TLN2: variants seen among roughly 807,000 people sequenced by gnomAD.
TLN2 encodes the protein talin 2, also known as talin-2.
A neutral mutation model predicts 294.7 loss-of-function variants in TLN2; 118 were observed. That is an observed-to-expected ratio of 0.40 (90% confidence interval 0.34 to 0.47). The LOEUF is 0.47. Among genes scored for constraint, TLN2 ranks in the 20% least tolerant of loss-of-function variants. The probability of loss-of-function intolerance (pLI) is 0.84; values close to 1 mark genes in which losing one functional copy is unlikely to be tolerated. For synonymous variants in TLN2, 1,431 were observed against 1,304.5 expected, an observed-to-expected ratio of 1.10 and a Z score of -2.09; for missense variants, 3,083 against 3,282.2, an observed-to-expected ratio of 0.94 and a Z score of 1.48.
At chr15:62,752,741 T>C (rs2062006431) in intron 35 of TLN2, among the ~76,000 whole-genome samples, 1 of 152,154 alleles carries the variant, frequency 6.6e-6, no homozygotes, top group African/African-American at 2.4e-5. Context: ...AAATAAGCAC[T>C]AAATAATTTA....
At chr15:62,529,314 G>A (rs369864623) in intron 1 of TLN2, among the ~76,000 whole-genome samples, 17 of 152,158 alleles carry the variant, frequency 1.1e-4, no homozygotes, top group Middle Eastern at 3.4e-3. Context: ...GGCTGGTCTC[G>A]AACTCCTGGA....
At chr15:62,489,204 T>A (rs1481903596) in intron 1 of TLN2, among the ~76,000 whole-genome samples, 1 of 152,118 alleles carries the variant, frequency 6.6e-6, no homozygotes, top group African/African-American at 2.4e-5. Flanking sequence ...CACAACTCCA[T>A]GAATGACATG....
chr15:62,784,670 C>T (rs2064489036), intron 45 of TLN2: 1 of 152,216 alleles, frequency 6.6e-6, no homozygotes, highest in Non-Finnish European at 1.5e-5. Flanking sequence ...TTGGGGGAAC[C>T]ACATGGCTTC....
chr15:62,501,729 T>G lies in TLN2; in HGVS notation c.-237-87958T>G, dbSNP rs567319119. Among the ~76,000 whole-genome samples the G allele has an allele frequency of 2.0e-5, 3 of 152,360 alleles. No individual in the cohort carries two copies. The South Asian group carries it at 6.2e-4, about 32-fold the overall frequency. ...TTTTGTTTAATTGGACATAGTTATA[T>G]CAACAGGATTTGAAGGTGGCAGATG... On this transcript the variant is annotated intron_variant, in intron 1 of 58. Transcript: ENST00000636159.
intron 1 of TLN2, among the ~76,000 whole-genome samples, chr15:62,487,219 TG>T (rs2140398570): frequency 6.6e-6 from 1 of 152,342 alleles, no homozygotes; most frequent in South Asian, 2.1e-4. Flanking sequence ...GTTGACTTAC[TG>T]GGTTGATTCC....
At chr15:62,774,878 G>C (rs1028858152) in intron 42 of TLN2, among the ~76,000 whole-genome samples, 2 of 151,340 alleles carry the variant, frequency 1.3e-5, no homozygotes, top group Admixed American at 1.3e-4. Context: ...TGAGAGTACA[G>C]ATCCTTGGCA....
At chr15:62,726,720 T>G (rs1041201048) in intron 27 of TLN2, among the ~76,000 whole-genome samples, 8 of 152,200 alleles carry the variant, frequency 5.3e-5, no homozygotes, top group Non-Finnish European at 8.8e-5. Context: ...CTTTCTAAAT[T>G]AGCTTCTAAA....
chr15:62,438,009 T>A (rs892235477), intron 1 of TLN2, among the ~76,000 whole-genome samples: 1 of 152,160 alleles, frequency 6.6e-6, no homozygotes, highest in African/African-American at 2.4e-5. Flanking sequence ...TGGCAGCAGA[T>A]GCACCCTGGT....
chr15:62,498,269 C>A (rs1163250433), intron 1 of TLN2, among the ~76,000 whole-genome samples: 5 of 151,502 alleles, frequency 3.3e-5, no homozygotes, highest in Admixed American at 6.6e-5. Flanking sequence ...TCTTACTTAA[C>A]CTGAATTTGC....
rs2058755073 is a variant in TLN2, at chr15:62,702,144, A to G, written c.1849A>G (p.Thr617Ala). The G allele has an allele frequency of 6.2e-7, 1 of 1,613,374 alleles. No homozygotes were observed. Among genetic ancestry groups the G allele is most frequent in the Non-Finnish European group, 8.5e-7 (1 of 1,179,782 alleles). ...GGAGGACTTGCTCAGAGCTGCCAGG[A>G]CCCTCGCTGGGGCGGTGTCAGACTT... Reference protein sequence around the residue: ...SGEDLLRAARTLAGAVSDLLK... With the variant: ...SGEDLLRAARALAGAVSDLLK... Residue 617 changes from threonine (T) to alanine (A), a missense_variant, in exon 18 of 59, where the codon ACC becomes GCC. Physicochemically the swap from Thr to Ala is moderately conservative, Grantham distance 58. Transcript: ENST00000636159.
At chr15:62,685,004 T>C (rs2057161360) in intron 11 of TLN2, among the ~76,000 whole-genome samples, 1 of 151,544 alleles carries the variant, frequency 6.6e-6, no homozygotes, top group Non-Finnish European at 1.5e-5. Flanking sequence ...TTAGGTGTTG[T>C]TGCTAGGTTT....
At chr15:62,720,968 C>G (rs2060110922) in intron 25 of TLN2, among the ~76,000 whole-genome samples, 1 of 152,100 alleles carries the variant, frequency 6.6e-6, no homozygotes, top group African/African-American at 2.4e-5. Context: ...AGGCATTTCT[C>G]TCTTCATTTG....
At chr15:62,565,642 T>C (rs529727653) in intron 1 of TLN2, among the ~76,000 whole-genome samples, 1 of 152,362 alleles carries the variant, frequency 6.6e-6, no homozygotes, top group Non-Finnish European at 1.5e-5. Flanking sequence ...GCTTTAAACT[T>C]CCAGTTGTGA....
In TLN2 at chr15:62,694,406, A is replaced by T. The variant is rs535731711; in HGVS notation, c.1292+14A>T. ...TTCCCCAAAAAAGTAAGTATTATGAAGAGTACTAGAGGACCACCTTCTCCC... is the reference window on the plus strand; with the variant it reads ...TTCCCCAAAAAAGTAAGTATTATGATGAGTACTAGAGGACCACCTTCTCCC... On this transcript the variant is annotated intron_variant, in intron 14 of 58. Coordinates refer to ENST00000636159, the MANE Select transcript of TLN2 (RefSeq NM_015059.3). 1.5e-5 allele frequency: 24 copies of T among 1,611,424 alleles called. 1 individual carries two copies. The highest frequency in any genetic ancestry group is 1.9e-5 in the Non-Finnish European group (22 of 1,177,718).
chr15:62,609,068 GT>G (rs1555445285), intron 2 of TLN2, among the ~76,000 whole-genome samples: 1 of 152,040 alleles, frequency 6.6e-6, no homozygotes, highest in Non-Finnish European at 1.5e-5. Context: ...GTGGGGTTAC[GT>G]TAGGGATAGA....
At chr15:62,499,338 T>C (rs2039182339) in intron 1 of TLN2, among the ~76,000 whole-genome samples, 1 of 152,056 alleles carries the variant, frequency 6.6e-6, no homozygotes, top group Non-Finnish European at 1.5e-5. Flanking sequence ...TAGTCCCAGC[T>C]ACTCGGGAGA....
intron 2 of TLN2, among the ~76,000 whole-genome samples, chr15:62,618,085 C>T (rs571369657): frequency 1.3e-5 from 2 of 152,164 alleles, no homozygotes; most frequent in East Asian, 3.9e-4. Flanking sequence ...AGGCAAGAGC[C>T]ACCATGCCCA....
intron 2 of TLN2, among the ~76,000 whole-genome samples, chr15:62,615,860 A>G (rs566553437): frequency 1.3e-5 from 2 of 152,302 alleles, no homozygotes; most frequent in East Asian, 1.9e-4. Context: ...GGGTTTCTCC[A>G]TATTTCTTGC....
chr15:62,702,734 C>G, intron 18 of TLN2, 32 bp from the exon 19 acceptor site: 1 of 1,604,608 alleles, frequency 6.2e-7, no homozygotes, highest in South Asian at 1.1e-5. Context: ...AATGCGTTTT[C>G]TTTCCAATTA....
Sources: gnomAD v4.1 joint callset for allele counts (sites outside exome capture counted in the v4.1 genomes callset) on GRCh38, gnomAD v4.1.1 for gene constraint, MANE v1.5 for transcripts, NCBI Gene and HGNC (gene_info 2026-07-23, HGNC 2026-07-21) for gene names.